FGF14: variants seen among roughly 807,000 people sequenced by gnomAD.
The protein encoded by FGF14 is fibroblast growth factor 14.
In FGF14, 5 loss-of-function variants were observed where a neutral mutation model predicts 25.5. The observed-to-expected ratio is 0.20, with a 90% confidence interval of 0.10 to 0.41. FGF14 has a LOEUF of 0.41. Ranked by LOEUF, FGF14 falls within the 10% of genes least tolerant of loss-of-function variation. FGF14 has a pLI of 1.00. For synonymous variants in FGF14, 138 were observed against 118.3 expected (o/e 1.17, Z -1.08); for missense variants, 222 against 320.1 (o/e 0.69, Z 2.34).
At position 102,330,024 on chromosome 13, in the gene FGF14, T is replaced by C. The variant is rs533683098; in HGVS notation, c.208+71447A>G. Among the ~76,000 whole-genome samples, 5 of 152,260 alleles carry C rather than the reference T, an allele frequency of 3.3e-5. No homozygotes were observed. In the East Asian group the frequency reaches 9.7e-4, roughly 29 times the overall value. On this transcript the variant is annotated intron_variant, in intron 1 of 4. Transcript: ENST00000376131. ...TTAAACCCGCAATCGTGCCAGTTAT[T>C]CTCACTCTGATCACACAACCGCTAA...
rs138808439 is a variant in FGF14, at chr13:101,924,451, A to T, written c.209-49155T>A. ...AGGTAATTAAAATAGTGATTTTTTT[A>T]AAAAAGCCATTTTCAAACTCCCAGT... On this transcript the variant is annotated intron_variant, in intron 1 of 4. Transcript: ENST00000376131. Among the ~76,000 whole-genome samples, 231 of 152,244 alleles carry T rather than the reference A, an allele frequency of 1.5e-3. 1 individual carries two copies. The highest frequency in any genetic ancestry group is 3.4e-3 in the Middle Eastern group (1 of 294).
intron 1 of FGF14, among the ~76,000 whole-genome samples, chr13:101,991,069 A>C (rs2038876006): frequency 6.6e-6 from 1 of 152,146 alleles, no homozygotes; most frequent in East Asian, 1.9e-4. Flanking sequence ...CTGCAGTTGA[A>C]AAACTTGTTT....
intron 1 of FGF14, among the ~76,000 whole-genome samples, chr13:102,256,897 C>A (rs1404014291): frequency 6.6e-6 from 1 of 152,140 alleles, no homozygotes; most frequent in Non-Finnish European, 1.5e-5. Flanking sequence ...AATAATTGGT[C>A]ATGAATTGAA....
At chr13:101,781,526 G>A (rs2039491692) in intron 3 of FGF14, among the ~76,000 whole-genome samples, 3 of 152,174 alleles carry the variant, frequency 2.0e-5, no homozygotes, top group Admixed American at 2.0e-4. Context: ...GTATATAGCA[G>A]AGGGCTGACG....
At chr13:102,258,381 G>A (rs537249945) in intron 1 of FGF14, among the ~76,000 whole-genome samples, 207 of 152,152 alleles carry the variant, frequency 1.4e-3, no homozygotes, top group African/African-American at 4.8e-3. Flanking sequence ...CATGGAGGTC[G>A]CTTGCCTCCA....
chr13:102,264,562 A>C (rs1281252754), intron 1 of FGF14, among the ~76,000 whole-genome samples: 1 of 151,956 alleles, frequency 6.6e-6, no homozygotes, highest in Non-Finnish European at 1.5e-5. Flanking sequence ...TATAGCAGAA[A>C]ATAACACACT....
At chr13:102,289,665 G>A (rs1285633262) in intron 1 of FGF14, among the ~76,000 whole-genome samples, 2 of 152,158 alleles carry the variant, frequency 1.3e-5, no homozygotes, top group African/African-American at 2.4e-5. Context: ...CTTGCAGATC[G>A]TAGTTTGCTG....
intron 2 of FGF14, among the ~76,000 whole-genome samples, chr13:101,869,828 G>T (rs972816722): frequency 6.6e-6 from 1 of 152,110 alleles, no homozygotes; most frequent in African/African-American, 2.4e-5. Context: ...TGGGCAATTT[G>T]GACTTCATTC....
chr13:101,965,067 C>G (rs569124935), intron 1 of FGF14, among the ~76,000 whole-genome samples: 1 of 151,934 alleles, frequency 6.6e-6, no homozygotes, highest in Non-Finnish European at 1.5e-5. Context: ...CATGGGGAGA[C>G]CCCCTTGTCT....
intron 1 of FGF14, among the ~76,000 whole-genome samples, chr13:102,334,284 T>C (rs1012933629): frequency 3.3e-5 from 5 of 152,156 alleles, no homozygotes; most frequent in African/African-American, 4.8e-5. Context: ...TCCTATCTGA[T>C]AGACATATAG....
At chr13:101,957,956 C>T (rs1011929500) in intron 1 of FGF14, among the ~76,000 whole-genome samples, 1 of 151,684 alleles carries the variant, frequency 6.6e-6, no homozygotes, top group East Asian at 1.9e-4. Flanking sequence ...AAATAATGAA[C>T]TAAAATAGAG....
chr13:102,060,329 T>C (rs1214533367), intron 1 of FGF14, among the ~76,000 whole-genome samples: 2 of 152,096 alleles, frequency 1.3e-5, no homozygotes, highest in Non-Finnish European at 1.5e-5. Flanking sequence ...ATCGAGACCA[T>C]CCTGGCTAAC....
chr13:101,867,889 GACACACACACACACACACACACACAC>G (rs370683665), intron 3 of FGF14, among the ~76,000 whole-genome samples: 4 of 140,590 alleles, frequency 2.8e-5, no homozygotes, highest in Non-Finnish European at 6.1e-5. Flanking sequence ...TTCTGTTTAA[GACACACACACACACACACACACACAC>G]ACACACACAC....
intron 2 of FGF14, among the ~76,000 whole-genome samples, chr13:101,871,562 T>C (rs562212256): frequency 6.6e-6 from 1 of 152,146 alleles, no homozygotes; most frequent in Admixed American, 6.5e-5. Context: ...GGTTTTAACA[T>C]TACCATAGTT....
At chr13:102,138,117 TG>T in intron 1 of FGF14, among the ~76,000 whole-genome samples, 1 of 150,440 alleles carries the variant, frequency 6.6e-6, no homozygotes, top group African/African-American at 2.4e-5. Flanking sequence ...TCCTTTTCAT[TG>T]ATTGGCAATG....
chr13:102,214,608 A>G (rs2050293247), intron 1 of FGF14, among the ~76,000 whole-genome samples: 1 of 152,166 alleles, frequency 6.6e-6, no homozygotes, highest in Non-Finnish European at 1.5e-5. Flanking sequence ...ACCACTCCCT[A>G]CAGAAGCTAG....
chr13:102,218,645 G>A (rs553302220), intron 1 of FGF14, among the ~76,000 whole-genome samples: 71 of 151,396 alleles, frequency 4.7e-4, no homozygotes, highest in African/African-American at 1.7e-3. Context: ...ATTAAGCTAG[G>A]GTGCCATAAC....
chr13:101,963,469 A>G (rs1003077512), intron 1 of FGF14, among the ~76,000 whole-genome samples: 2 of 151,772 alleles, frequency 1.3e-5, no homozygotes, highest in African/African-American at 2.4e-5. Flanking sequence ...TTTTCCCCCT[A>G]TGTCACAAAC....
chr13:102,312,990 G>GTTC (rs1464460897), intron 1 of FGF14, among the ~76,000 whole-genome samples: 1 of 152,154 alleles, frequency 6.6e-6, no homozygotes, highest in Non-Finnish European at 1.5e-5. Context: ...AAGCAAGTGA[G>GTTC]TTCTCCTCCT....
Sources: allele counts gnomAD v4.1 joint callset (sites outside exome capture counted in the v4.1 genomes callset), GRCh38; gene constraint gnomAD v4.1.1; transcripts MANE v1.5; gene names NCBI Gene and HGNC (gene_info 2026-07-23, HGNC 2026-07-21).